Variants in TPST1 observed in about 807,000 individuals in gnomAD.
TPST1 encodes the protein tyrosylprotein sulfotransferase 1.
A neutral mutation model predicts 34.8 loss-of-function variants in TPST1; 20 were observed. That is an observed-to-expected ratio of 0.57 (90% CI 0.40 to 0.84). TPST1 has a LOEUF of 0.84. Among genes scored for constraint, TPST1 ranks in the 40% least tolerant of loss-of-function variants. The pLI is 0.00. For missense variants in TPST1, 353 were observed against 455.5 expected (o/e 0.78, Z 2.05); for synonymous variants, 152 against 159.4 (o/e 0.95, Z 0.35).
At chr7:66,343,691 G>A (rs1183903148) in intron 3 of TPST1, among the ~76,000 whole-genome samples, 1 of 152,208 alleles carries the variant, frequency 6.6e-6, no homozygotes, top group Non-Finnish European at 1.5e-5. Flanking sequence ...CTTCTACCCA[G>A]TATATCATGT....
chr7:66,266,927 T>C (rs1790604593), intron 2 of TPST1, among the ~76,000 whole-genome samples: 2 of 152,198 alleles, frequency 1.3e-5, no homozygotes, highest in African/African-American at 4.8e-5. Context: ...ATGATCACTG[T>C]CCTATCTAGG....
chr7:66,227,027 G>GTTTTTTTTTTTTTT (rs1390977469), intron 1 of TPST1, among the ~76,000 whole-genome samples: 2 of 46,032 alleles, frequency 4.3e-5, no homozygotes, highest in African/African-American at 2.2e-4. Flanking sequence ...CTTAAAATAA[G>GTTTTTTTTTTTTTT]CTTTTTTTTT....
intron 3 of TPST1, among the ~76,000 whole-genome samples, chr7:66,311,257 G>GCTA (rs1347676821): frequency 6.6e-6 from 1 of 152,050 alleles, no homozygotes; most frequent in Non-Finnish European, 1.5e-5. Context: ...TCCCACCTCA[G>GCTA]CTCCCTGAGT....
Position 66,240,619 on chromosome 7 carries a change from A to G in TPST1, c.194A>G (p.Tyr65Cys), listed in dbSNP as rs564664650. The G allele has an allele frequency of 4.3e-6, 7 of 1,614,214 alleles. No homozygotes were observed. The South Asian group carries it at 6.6e-5, about 15-fold the overall frequency. The change falls in exon 2 of 6, where the codon TAT (tyrosine) becomes TGT (cysteine). Residue 65 changes from tyrosine to cysteine, a missense_variant. Coordinates refer to ENST00000304842, the MANE Select transcript of TPST1 (RefSeq NM_003596.4). Reference protein sequence around the residue: ...LDLKANKTFAYHKDMPLIFIG... With the variant: ...LDLKANKTFACHKDMPLIFIG... ...CTCAAAGCCAACAAAACCTTTGCCT[A>G]TCACAAAGATATGCCTTTAATATTT...
intron 2 of TPST1, among the ~76,000 whole-genome samples, chr7:66,243,610 A>ATTTTTT (rs10627680): frequency 4.9e-5 from 6 of 123,372 alleles, no homozygotes; most frequent in Non-Finnish European, 3.2e-5. Context: ...TGCCCAGCTA[A>ATTTTTT]TTTTTTTTTT....
At chr7:66,207,049 T>C (rs928190631) in intron 1 of TPST1, among the ~76,000 whole-genome samples, 110 of 152,330 alleles carry the variant, frequency 7.2e-4, no homozygotes, top group African/African-American at 2.4e-3. Flanking sequence ...CCTGTACTAT[T>C]CTTGCCACCT....
chr7:66,264,666 G>A (rs955095451), intron 2 of TPST1, among the ~76,000 whole-genome samples: 6 of 152,062 alleles, frequency 3.9e-5, no homozygotes, highest in African/African-American at 1.4e-4. Context: ...ACAATAAGCA[G>A]CAACAAAAAA....
rs772346557 is a variant in TPST1, at chr7:66,215,771, C to CTTTTTTT, written c.-102+10252_-102+10253insTTTTTTT. Among the ~76,000 whole-genome samples, 10 of 108,564 alleles carry CTTTTTTT rather than the reference C, an allele frequency of 9.2e-5. 1 individual carries two copies. Among genetic ancestry groups the CTTTTTTT allele is most frequent in the Non-Finnish European group, 1.3e-4 (7 of 54,322 alleles). The allele number at this position is 108,564 out of a possible 152,430, so 71.2% of individuals were successfully genotyped here. ...CCATCTTGTCCTGGTTTTTCTTTTT[C>CTTTTTTT]TTTCTTTTTTTTTTTTTTTGAGACG... On this transcript the variant is annotated intron_variant, in intron 1 of 5. Coordinates refer to ENST00000304842, the MANE Select transcript of TPST1 (RefSeq NM_003596.4).
intron 1 of TPST1, among the ~76,000 whole-genome samples, chr7:66,237,270 G>A (rs899112053): frequency 6.6e-6 from 1 of 152,202 alleles, no homozygotes; most frequent in Non-Finnish European, 1.5e-5. Context: ...TGTACCTACT[G>A]AATGAGTAGA....
intron 1 of TPST1, among the ~76,000 whole-genome samples, chr7:66,220,355 A>G (rs1378492429): frequency 6.6e-6 from 1 of 152,084 alleles, no homozygotes; most frequent in Non-Finnish European, 1.5e-5. Flanking sequence ...CCTTATTGGC[A>G]ATCTAAAATT....
At chr7:66,212,059 G>A (rs1271821980) in intron 1 of TPST1, among the ~76,000 whole-genome samples, 1 of 152,178 alleles carries the variant, frequency 6.6e-6, no homozygotes, top group African/African-American at 2.4e-5. Flanking sequence ...TGGCTTTTAA[G>A]GTGGTTAAGC....
intron 3 of TPST1, among the ~76,000 whole-genome samples, chr7:66,335,809 C>T (rs911582002): frequency 2.6e-5 from 4 of 152,072 alleles, no homozygotes; most frequent in Non-Finnish European, 5.9e-5. Flanking sequence ...AGTAAAGGCC[C>T]GAAATCACCA....
At chr7:66,343,295 T>C (rs900180129) in intron 3 of TPST1, among the ~76,000 whole-genome samples, 3 of 152,180 alleles carry the variant, frequency 2.0e-5, no homozygotes, top group Non-Finnish European at 4.4e-5. Flanking sequence ...AGTGAATTAA[T>C]GCTGAAACAA....
intron 5 of TPST1, among the ~76,000 whole-genome samples, chr7:66,358,825 C>G (rs1792633424): frequency 6.6e-6 from 1 of 152,212 alleles, no homozygotes; most frequent in East Asian, 1.9e-4. Flanking sequence ...CCCCACCAAA[C>G]ACACACAAGG....
At chr7:66,211,086 C>T (rs987687250) in intron 1 of TPST1, among the ~76,000 whole-genome samples, 2 of 152,048 alleles carry the variant, frequency 1.3e-5, no homozygotes, top group Non-Finnish European at 2.9e-5. Flanking sequence ...AAGGAGTTAT[C>T]ACATTTTATT....
chr7:66,233,197 T>G (rs1789836168), intron 1 of TPST1, among the ~76,000 whole-genome samples: 1 of 152,204 alleles, frequency 6.6e-6, no homozygotes, highest in Non-Finnish European at 1.5e-5. Flanking sequence ...CACAAAAATT[T>G]TTAATTTTGA....
intron 3 of TPST1, among the ~76,000 whole-genome samples, chr7:66,302,754 A>G (rs921551674): frequency 3.3e-5 from 5 of 152,110 alleles, no homozygotes; most frequent in African/African-American, 1.2e-4. Flanking sequence ...CTGCTTTTTC[A>G]TGGCTTTACA....
chr7:66,284,781 T>G (rs1290485617), intron 2 of TPST1, among the ~76,000 whole-genome samples: 1 of 152,148 alleles, frequency 6.6e-6, no homozygotes, highest in Admixed American at 6.6e-5. Context: ...GGTCTCGAAC[T>G]CCTGACCTCA....
chr7:66,328,011 C>CTTTTTTTTTT (rs35582736), intron 3 of TPST1, among the ~76,000 whole-genome samples: 2 of 39,512 alleles, frequency 5.1e-5, no homozygotes, highest in East Asian at 8.0e-4. Context: ...TTTTCCTTTC[C>CTTTTTTTTTT]TTTTTTTTTT....
Sources: allele counts gnomAD v4.1 joint callset (sites outside exome capture counted in the v4.1 genomes callset), GRCh38; gene constraint gnomAD v4.1.1; transcripts MANE v1.5; gene names NCBI Gene and HGNC (gene_info 2026-07-23, HGNC 2026-07-21).